The following MAP7 variants were observed in gnomAD, a reference collection of about 807,000 sequenced individuals.
The protein encoded by MAP7 is microtubule associated protein 7.
A neutral mutation model predicts 94.8 loss-of-function variants in MAP7; 52 were observed. The observed-to-expected ratio is 0.55, with a 90% CI of 0.44 to 0.69. The LOEUF (loss-of-function observed/expected upper bound fraction) is 0.69, where lower values mean the gene tolerates loss of function less well. Ranked by LOEUF, MAP7 falls within the 30% of genes least tolerant of loss-of-function variation. The probability of loss-of-function intolerance (pLI) is 0.00; values close to 1 mark genes in which losing one functional copy is unlikely to be tolerated. For synonymous variants in MAP7, 350 were observed against 357.0 expected (o/e 0.98, Z 0.22); for missense variants, 940 against 964.6 (o/e 0.97, Z 0.34).
chr6:136,458,396 T>C (rs1035215764), intron 1 of MAP7, among the ~76,000 whole-genome samples: 3 of 152,264 alleles, frequency 2.0e-5, no homozygotes, highest in Non-Finnish European at 4.4e-5. Flanking sequence ...AAAATCTCAA[T>C]GGCATTTTTT....
chr6:136,537,743 A>C (rs1353710102), intron 1 of MAP7, among the ~76,000 whole-genome samples: 1 of 152,142 alleles, frequency 6.6e-6, no homozygotes, highest in Non-Finnish European at 1.5e-5. Context: ...TAAACCCAGG[A>C]CCCATCTGAG....
At chr6:136,350,532 T>C (rs1788870601) in intron 16 of MAP7, among the ~76,000 whole-genome samples, 1 of 152,174 alleles carries the variant, frequency 6.6e-6, no homozygotes, top group East Asian at 1.9e-4. Flanking sequence ...AATGGGAAGC[T>C]GTTTTGGGGA....
intron 1 of MAP7, among the ~76,000 whole-genome samples, chr6:136,513,708 G>A (rs1823924332): frequency 6.6e-6 from 1 of 152,160 alleles, no homozygotes; most frequent in East Asian, 1.9e-4. Context: ...ACCTCAATGT[G>A]TACTCAGAAG....
intron 1 of MAP7, among the ~76,000 whole-genome samples, chr6:136,548,097 ACCC>A (rs1250343885): frequency 4.5e-5 from 2 of 44,942 alleles, no homozygotes; most frequent in African/African-American, 7.0e-5. Flanking sequence ...CACCACCACC[ACCC>A]CCCCCCACCC....
chr6:136,544,142 G>C (rs889464436), intron 1 of MAP7, among the ~76,000 whole-genome samples: 1 of 152,112 alleles, frequency 6.6e-6, no homozygotes, highest in Non-Finnish European at 1.5e-5. Context: ...GGCTGGTCTC[G>C]AACTCCTGAG....
chr6:136,465,495 T>C lies in MAP7; in HGVS notation c.68-43696A>G, dbSNP rs138839063. Among the ~76,000 whole-genome samples, 594 of 152,234 alleles carry C rather than the reference T, an allele frequency of 3.9e-3. 5 individuals carry two copies. The highest frequency in any genetic ancestry group is 0.014 in the African/African-American group (571 of 41,552). On this transcript the variant is annotated intron_variant, in intron 1 of 17. Transcript: ENST00000354570. ...TTCTGCAAAGAAAGATACGTCTCCA[T>C]AAAACAGAATCATTAAGGGCAAAAA...
intron 3 of MAP7, among the ~76,000 whole-genome samples, chr6:136,398,224 C>T (rs1783058372): frequency 6.6e-6 from 1 of 152,168 alleles, no homozygotes; most frequent in Non-Finnish European, 1.5e-5. Flanking sequence ...GGGCCCACCC[C>T]CAGTCTTGCC....
intron 6 of MAP7, among the ~76,000 whole-genome samples, chr6:136,381,877 T>TACACACACAC (rs1156527948): frequency 0.011 from 1,054 of 92,948 alleles, 49 homozygotes; most frequent in African/African-American, 0.046. Context: ...CTTCTAACCT[T>TACACACACAC]ACACACACAC....
rs562180327 is a variant in MAP7, at chr6:136,432,210, T to A, written c.68-10411A>T. ...CTGTACTCATAAATTAAAAAAAAAA[T>A]CCCTAAACTGATACAGAGATCCTAC... On this transcript the variant is annotated intron_variant, in intron 1 of 17. Transcript: ENST00000354570. Among the ~76,000 whole-genome samples the A allele has an allele frequency of 9.2e-4, 140 of 152,010 alleles. 1 individual carries two copies. In the South Asian group the frequency reaches 0.027, roughly 29 times the overall value.
At position 136,362,658 on chromosome 6, in the gene MAP7, C is replaced by T; in HGVS notation, c.1318G>A (p.Ala440Thr). ...APAPASAPAP[A>T]SAPAPAPVPT... The stretch of plus-strand genomic sequence containing the variant: ...ACCGGGGCTGGAGCTGGGGCCGAGG[C>T]TGGAGCTGGGGCCGAGGCTGGAGCT... The change falls in exon 11 of 18, where the codon GCC becomes ACC. Residue 440 changes from alanine to threonine, a missense_variant. Ala to Thr is a moderately conservative substitution (Grantham distance 58). Transcript: ENST00000354570. 1 of 1,609,168 alleles carries T rather than the reference C, an allele frequency of 6.2e-7. No homozygotes were observed. The highest frequency in any genetic ancestry group is 8.5e-7 in the Non-Finnish European group (1 of 1,177,960).
intron 7 of MAP7, 110 bp downstream of exon 7, chr6:136,377,645 C>T: frequency 1.3e-6 from 1 of 755,104 alleles, no homozygotes. Context: ...GACATTTCCA[C>T]CGGGGGAAGA....
At chr6:136,526,710 T>G (rs964161591) in intron 1 of MAP7, 1 of 983,574 alleles carries the variant, frequency 1.0e-6, no homozygotes, top group African/African-American at 1.7e-5. Flanking sequence ...CTCCTCAGTA[T>G]GGAGACAGAA....
intron 16 of MAP7, among the ~76,000 whole-genome samples, chr6:136,355,652 T>A (rs1790713494): frequency 6.6e-6 from 1 of 152,186 alleles, no homozygotes; most frequent in Non-Finnish European, 1.5e-5. Flanking sequence ...CGAGAAACAA[T>A]TATGTGTTTT....
chr6:136,525,820 G>A (rs773925014), intron 1 of MAP7: 1 of 1,533,082 alleles, frequency 6.5e-7, no homozygotes, highest in South Asian at 1.2e-5. Context: ...AAAGGGTGGA[G>A]CTAATGCATA....
chr6:136,347,107 C>A (rs560783857), intron 16 of MAP7, among the ~76,000 whole-genome samples: 6 of 152,334 alleles, frequency 3.9e-5, no homozygotes, highest in African/African-American at 1.4e-4. Flanking sequence ...TTACCACTCT[C>A]TGTTATAGGC....
intron 1 of MAP7, among the ~76,000 whole-genome samples, chr6:136,529,208 G>A (rs1280431417): frequency 2.0e-5 from 3 of 152,114 alleles, no homozygotes; most frequent in African/African-American, 7.2e-5. Context: ...TCCACCTCGC[G>A]GGTTCAAGTG....
At chr6:136,454,591 C>T (rs1802269288) in intron 1 of MAP7, among the ~76,000 whole-genome samples, 3 of 151,716 alleles carry the variant, frequency 2.0e-5, no homozygotes, top group Admixed American at 1.3e-4. Context: ...AGCCACCGAA[C>T]CTGGCCTGAA....
intron 1 of MAP7, among the ~76,000 whole-genome samples, chr6:136,449,077 G>A (rs1023514775): frequency 5.9e-5 from 9 of 151,500 alleles, no homozygotes; most frequent in Non-Finnish European, 1.3e-4. Context: ...GGGAGGCCGA[G>A]GCGGGCGGAT....
At chr6:136,406,666 C>A (rs1209104064) in intron 3 of MAP7, among the ~76,000 whole-genome samples, 1 of 152,066 alleles carries the variant, frequency 6.6e-6, no homozygotes. Context: ...ACTAAAAATA[C>A]AAAAATTAGC....
Sources: allele counts gnomAD v4.1 joint callset (sites outside exome capture counted in the v4.1 genomes callset), GRCh38; gene constraint gnomAD v4.1.1; transcripts MANE v1.5; gene names NCBI Gene and HGNC (gene_info 2026-07-23, HGNC 2026-07-21).